The following ZNF799 variants were observed in gnomAD, a reference collection of about 807,000 sequenced individuals.
ZNF799 encodes zinc finger protein 14.
In ZNF799, 28 loss-of-function variants were observed where a neutral mutation model predicts 41.0. That is an observed-to-expected ratio of 0.68 (90% CI 0.51 to 0.94). The LOEUF is 0.94. Among genes scored for constraint, ZNF799 ranks in the 40% least tolerant of loss-of-function variants. The pLI is 0.00. For synonymous variants in ZNF799, 213 were observed against 252.9 expected (o/e 0.84, Z 1.50); for missense variants, 716 against 764.3 (o/e 0.94, Z 0.74).
upstream of ZNF799, among the ~76,000 whole-genome samples, chr19:12,403,801 C>T (rs1301337730): frequency 2.0e-5 from 3 of 152,158 alleles, no homozygotes; most frequent in Non-Finnish European, 2.9e-5. Context: ...ATCCACTCAC[C>T]TCGGCCTCCC....
At chr19:12,411,878 G>A in the ZNF799 span, among the ~76,000 whole-genome samples, 3 of 152,098 alleles carry the variant, frequency 2.0e-5, no homozygotes, top group African/African-American at 7.2e-5. Context: ...CTCCCAAAGT[G>A]CTAAGATTAC....
rs183358373 is a variant in ZNF799 at position 12,392,118 on chromosome 19, T to C, written c.280A>G (p.Lys94Glu). 2.0e-5 allele frequency: 33 copies of C among 1,614,158 alleles called. No individual in the cohort carries two copies. The Admixed American group carries it at 5.5e-4, about 27-fold the overall frequency. ...GGACCTACTCCAGGAAGAGTGTTCT[T>C]GGTCACAATACTATCTTGAATCTGG... ...SSQIQDSIVTKNTLPGVGPYE... is the reference protein window; with the variant it reads ...SSQIQDSIVTENTLPGVGPYE... The change falls in exon 4 of 4, where the codon AAG (lysine) becomes GAG (glutamate). Residue 94 changes from lysine (K) to glutamate (E), a missense_variant. Lys to Glu is a moderately conservative substitution (Grantham distance 56, BLOSUM62 1). Transcript: ENST00000430385.
At chr19:12,394,576 A>C in intron 1 of ZNF799, 1 of 985,344 alleles carries the variant, frequency 1.0e-6, no homozygotes, top group Non-Finnish European at 1.2e-6. Flanking sequence ...GATCAAATGT[A>C]CTGAAGTATG....
At position 12,390,923 on chromosome 19, in the gene ZNF799, G is replaced by A; in HGVS notation, c.1475C>T (p.Ser492Phe). ...TCCTGTGTGAGTCCTTCTATGTTGA[G>A]AAAGGTATTGGAAACAACTGAATGC... ...GKAFSCFQYLSQHRRTHTGEK... is the reference protein window; with the variant it reads ...GKAFSCFQYLFQHRRTHTGEK... The change falls in exon 4 of 4, where the codon TCT becomes TTT. Residue 492 changes from serine (S) to phenylalanine (F), a missense_variant. By Grantham distance (155) the Ser-to-Phe change is radical. This residue lies in a region of ZNF799 where 698 missense variants were observed against 713.6 expected (regional missense o/e 0.98). Coordinates refer to ENST00000430385, the MANE Select transcript of ZNF799 (RefSeq NM_001080821.3). The A allele has an allele frequency of 6.2e-7, 1 of 1,612,522 alleles. No homozygotes were observed.
intron 1 of ZNF799, chr19:12,394,348 T>A (rs1969865756): frequency 6.4e-6 from 1 of 157,246 alleles, no homozygotes; most frequent in Non-Finnish European, 1.4e-5. Context: ...TTAAATACTG[T>A]TTCTTATAAA....
At chr19:12,392,933 T>C (rs2431859) in intron 2 of ZNF799, among the ~76,000 whole-genome samples, 2 of 152,278 alleles carry the variant, frequency 1.3e-5, no homozygotes, top group Admixed American at 6.5e-5. Flanking sequence ...ACCTTTCTGA[T>C]GATGCACTTC....
chr19:12,402,207 T>C (rs1430579272), upstream of ZNF799, among the ~76,000 whole-genome samples: 2 of 152,250 alleles, frequency 1.3e-5, no homozygotes, highest in African/African-American at 4.8e-5. Flanking sequence ...GCCTCTCAAG[T>C]AGCTTCAGAT....
In ZNF799 at chr19:12,401,248, C is replaced by T; in HGVS notation, c.-178G>A. 7.1e-7 allele frequency: 1 copy of T among 1,410,660 alleles called. No homozygotes were observed. The highest frequency in any genetic ancestry group is 1.4e-5 in the South Asian group (1 of 70,040). The allele number at this position is 1,410,660 out of a possible 1,614,324, so 87.4% of individuals were successfully genotyped here. A position where few individuals can be genotyped will look rare whatever the true frequency, so the allele number is the denominator to read the frequency against. On this transcript the variant is annotated 5_prime_UTR_variant, in exon 1 of 4. Coordinates refer to ENST00000430385, the MANE Select transcript of ZNF799 (RefSeq NM_001080821.3). ...CGCGGGCTTTTTCAACCACACACTCCTCTGGGAAGCGCGCCTGATTGACAG... is the reference window on the plus strand; with the variant it reads ...CGCGGGCTTTTTCAACCACACACTCTTCTGGGAAGCGCGCCTGATTGACAG...
Position 12,401,195 on chromosome 19 carries a change from G to T in ZNF799, c.-125C>A, listed in dbSNP as rs1479979930. 6.4e-7 allele frequency: 1 copy of T among 1,571,176 alleles called. No individual in the cohort carries two copies. Among genetic ancestry groups the T allele is most frequent in the African/African-American group, 1.3e-5 (1 of 74,310 alleles). ...TTAGCTACAGAGCCGAGCACCGAGC[G>T]CCCAGCGCAGGTGGGTGGAGAAGAC... On this transcript the variant is annotated 5_prime_UTR_variant, in exon 1 of 4. Coordinates refer to ENST00000430385, the MANE Select transcript of ZNF799 (RefSeq NM_001080821.3).
At chr19:12,397,698 C>T (rs971807792) in intron 1 of ZNF799, among the ~76,000 whole-genome samples, 1 of 149,950 alleles carries the variant, frequency 6.7e-6, no homozygotes, top group African/African-American at 2.5e-5. Context: ...TTGAAAAAAA[C>T]CGACAAGTAT....
intron 1 of ZNF799, among the ~76,000 whole-genome samples, chr19:12,395,862 G>A (rs988650078): frequency 6.6e-6 from 1 of 152,254 alleles, no homozygotes; most frequent in African/African-American, 2.4e-5. Flanking sequence ...GACTGGAAGA[G>A]GTCAGGCTTT....
chr19:12,395,735 AT>A lies in ZNF799; in HGVS notation c.4-2313del, dbSNP rs1462506609. Among the ~76,000 whole-genome samples the A allele has an allele frequency of 8.5e-5, 13 of 152,302 alleles. No homozygotes were observed. In the East Asian group the frequency reaches 2.5e-3, roughly 29 times the overall value. ...AAAAGACACCGGAGAAGAAACCCTC[AT>A]TTTCACTTCTGGCTGATCTGTAGCT... On this transcript the variant is annotated intron_variant, in intron 1 of 3. Transcript: ENST00000430385.
At chr19:12,404,867 T>A (rs1970018782), upstream of ZNF799, among the ~76,000 whole-genome samples, 1 of 152,166 alleles carries the variant, frequency 6.6e-6, no homozygotes, top group Non-Finnish European at 1.5e-5. Flanking sequence ...GTCAACTTGA[T>A]TGGATTGAAG....
chr19:12,409,293 G>T, the ZNF799 span, among the ~76,000 whole-genome samples: 1 of 152,154 alleles, frequency 6.6e-6, no homozygotes, highest in East Asian at 1.9e-4. Flanking sequence ...ATGTGCAGGC[G>T]GTAATGCTTA....
the ZNF799 span, among the ~76,000 whole-genome samples, chr19:12,407,440 G>C: frequency 6.8e-6 from 1 of 146,686 alleles, no homozygotes; most frequent in Non-Finnish European, 1.5e-5. Context: ...TCCAGCCTGA[G>C]TAACAAAGCA....
At position 12,401,122 on chromosome 19, in the gene ZNF799, G is replaced by A; in HGVS notation, c.-52C>T. 3 of 1,613,012 alleles carry A rather than the reference G, an allele frequency of 1.9e-6. No homozygotes were observed. Among genetic ancestry groups the A allele is most frequent in the South Asian group, 1.1e-5 (1 of 91,032 alleles). On this transcript the variant is annotated 5_prime_UTR_variant, in exon 1 of 4. Transcript: ENST00000430385. Reference sequence around the variant, plus strand: ...CCTCCGGACGGCTCCCGCTGCCAATGCGGGTTCCCGCGGGACACAGGCTGC... The same window carrying A: ...CCTCCGGACGGCTCCCGCTGCCAATACGGGTTCCCGCGGGACACAGGCTGC...
intron 2 of ZNF799, 47 bp from the exon 3 acceptor site, chr19:12,392,710 T>C: frequency 1.4e-6 from 2 of 1,451,456 alleles, no homozygotes; most frequent in Non-Finnish European, 1.9e-6. Flanking sequence ...TACAAAATTA[T>C]AGACAAACAG....
the ZNF799 span, among the ~76,000 whole-genome samples, chr19:12,412,179 C>G: frequency 6.6e-6 from 1 of 152,126 alleles, no homozygotes; most frequent in Non-Finnish European, 1.5e-5. Context: ...GGGGAACTTG[C>G]GCATACTTCC....
In ZNF799 at chr19:12,401,058, G is replaced by C; in HGVS notation, c.3+10C>G. Reference sequence around the variant, plus strand: ...TCCCCCGCCTCGGGACGCCGGCCCAGCACACGCACCATTTCCCGACTTCCG... The same window carrying C: ...TCCCCCGCCTCGGGACGCCGGCCCACCACACGCACCATTTCCCGACTTCCG... On this transcript the variant is annotated intron_variant, in intron 1 of 3. Coordinates refer to ENST00000430385, the MANE Select transcript of ZNF799 (RefSeq NM_001080821.3). 6.2e-7 allele frequency: 1 copy of C among 1,613,974 alleles called. No homozygotes were observed. The highest frequency in any genetic ancestry group is 8.5e-7 in the Non-Finnish European group (1 of 1,179,900).
Sources: allele counts gnomAD v4.1 joint callset (sites outside exome capture counted in the v4.1 genomes callset), GRCh38; gene constraint gnomAD v4.1.1; regional missense constraint gnomAD v4.1.1; transcripts MANE v1.5; gene names NCBI Gene and HGNC (gene_info 2026-07-23, HGNC 2026-07-21).